Variants in POU6F2 observed in about 807,000 individuals in gnomAD.
POU6F2 encodes the protein POU domain, class 6, transcription factor 2.
A neutral mutation model predicts 71.3 loss-of-function variants in POU6F2; 31 were observed. The ratio of observed to expected loss-of-function variants is 0.43; its 90% CI spans 0.33 to 0.59. The LOEUF (loss-of-function observed/expected upper bound fraction) is 0.59, where lower values mean the gene tolerates loss of function less well. Among genes scored for constraint, POU6F2 ranks in the 20% least tolerant of loss-of-function variants. The pLI, the probability that POU6F2 is intolerant of heterozygous loss-of-function variation, is 0.04. For missense variants in POU6F2, 783 were observed against 856.8 expected (o/e 0.91, Z 1.07); for synonymous variants, 347 against 355.7 (o/e 0.98, Z 0.27).
rs1788915129 is a variant in POU6F2, at chr7:39,460,327, T to C, written c.1490-220T>C. On this transcript the variant is annotated intron_variant, in intron 8 of 9. Coordinates refer to ENST00000518318, the MANE Select transcript of POU6F2 (RefSeq NM_001370959.1). The surrounding 1 kb of genome is among the most constrained non-coding windows in gnomAD (Gnocchi z 4.4). Reference sequence around the variant, plus strand: ...GCAGTGTGAACAAGCTGTGGTTTTATCTGGGACAGAAACATCTCGAAGGAT... The same window carrying C: ...GCAGTGTGAACAAGCTGTGGTTTTACCTGGGACAGAAACATCTCGAAGGAT... Among the ~76,000 whole-genome samples, 1 of 152,216 alleles carries C rather than the reference T, an allele frequency of 6.6e-6. No homozygotes were observed. Among genetic ancestry groups the C allele is most frequent in the African/African-American group, 2.4e-5 (1 of 41,460 alleles).
chr7:39,158,801 C>T (rs764405897), intron 2 of POU6F2, among the ~76,000 whole-genome samples: 3 of 152,144 alleles, frequency 2.0e-5, no homozygotes, highest in Non-Finnish European at 2.9e-5. Flanking sequence ...TGGAAACACC[C>T]TCACAGACAT....
At chr7:39,101,443 A>C (rs1325400648) in intron 2 of POU6F2, among the ~76,000 whole-genome samples, 1 of 143,040 alleles carries the variant, frequency 7.0e-6, no homozygotes. Flanking sequence ...TTTTCTAGGC[A>C]AGATTTTTTT....
intron 4 of POU6F2, among the ~76,000 whole-genome samples, chr7:39,209,838 A>G (rs1256859415): frequency 6.6e-6 from 1 of 152,120 alleles, no homozygotes; most frequent in East Asian, 1.9e-4. Flanking sequence ...GGGACTCGGG[A>G]TGGTGAGTGA....
intron 4 of POU6F2, among the ~76,000 whole-genome samples, chr7:39,265,191 G>A (rs189933656): frequency 6.6e-6 from 1 of 152,086 alleles, no homozygotes; most frequent in Non-Finnish European, 1.5e-5. Context: ...GGACCCTCTG[G>A]TTCTGAATTT....
intron 2 of POU6F2, among the ~76,000 whole-genome samples, chr7:39,127,836 ATTTTTTT>A (rs70977460): frequency 1.2e-4 from 13 of 104,174 alleles, no homozygotes; most frequent in Non-Finnish European, 1.7e-4. Flanking sequence ...AGCCAGTGGA[ATTTTTTT>A]TTTTTTTTTT....
intron 1 of POU6F2, among the ~76,000 whole-genome samples, chr7:39,053,387 T>G (rs922275580): frequency 3.3e-5 from 5 of 152,142 alleles, no homozygotes; most frequent in African/African-American, 1.2e-4. Flanking sequence ...CTTGTCTTTT[T>G]CCTTCCTCCT....
intron 1 of POU6F2, among the ~76,000 whole-genome samples, chr7:39,025,252 G>A (rs1293684625): frequency 1.3e-5 from 2 of 152,058 alleles, no homozygotes. Flanking sequence ...ATGTGTCAGG[G>A]AATTTATCCA....
chr7:39,000,766 TCCTTTTTGTATCTTCTCTGC>T, intron 1 of POU6F2, among the ~76,000 whole-genome samples: 1 of 152,248 alleles, frequency 6.6e-6, no homozygotes, highest in East Asian at 1.9e-4. Flanking sequence ...CCCACTCCTG[TCCTTTTTGTATCTTCTCTGC>T]CCCATGCAGA....
intron 2 of POU6F2, among the ~76,000 whole-genome samples, chr7:39,114,473 G>A (rs1236746535): frequency 6.6e-6 from 1 of 152,072 alleles, no homozygotes; most frequent in East Asian, 1.9e-4. Flanking sequence ...AAGGCCCAAA[G>A]CAATATTCCA....
chr7:39,176,901 G>T (rs1793341726), intron 2 of POU6F2, among the ~76,000 whole-genome samples: 1 of 152,128 alleles, frequency 6.6e-6, no homozygotes, highest in African/African-American at 2.4e-5. Flanking sequence ...AAGTTAAGGG[G>T]CATAATGAAA....
rs534689020 is a variant in POU6F2 at position 39,212,874 on chromosome 7, C to T, written c.598+5254C>T. ...TAAAATCCCCTTTATGGAGCTCATG[C>T]AAATGTGTTGGATCCTTTGCTTTTT... On this transcript the variant is annotated intron_variant, in intron 4 of 9. Transcript: ENST00000518318. Among the ~76,000 whole-genome samples, 5 of 152,260 alleles carry T rather than the reference C, an allele frequency of 3.3e-5. No individual in the cohort carries two copies. The South Asian group carries it at 1.0e-3, about 32-fold the overall frequency.
intron 1 of POU6F2, among the ~76,000 whole-genome samples, chr7:38,984,091 CA>C (rs1225556370): frequency 6.6e-6 from 1 of 152,034 alleles, no homozygotes; most frequent in African/African-American, 2.4e-5. Flanking sequence ...AATTGAAGAT[CA>C]ACTGAGTATT....
chr7:39,016,113 ATATAT>A (rs1327877235), intron 1 of POU6F2, among the ~76,000 whole-genome samples: 2 of 115,384 alleles, frequency 1.7e-5, no homozygotes, highest in African/African-American at 6.8e-5. Flanking sequence ...TATCTATATT[ATATAT>A]TATATCTATA....
chr7:39,181,242 A>G (rs1180028640), intron 2 of POU6F2, among the ~76,000 whole-genome samples: 3 of 152,108 alleles, frequency 2.0e-5, no homozygotes, highest in Non-Finnish European at 4.4e-5. Context: ...TAACTCCTCC[A>G]CTGTGGTCCT....
chr7:39,284,157 C>T (rs1784612489), intron 4 of POU6F2, among the ~76,000 whole-genome samples: 2 of 152,168 alleles, frequency 1.3e-5, no homozygotes, highest in African/African-American at 2.4e-5. Flanking sequence ...TTCTGATGTA[C>T]ACATGATTAA....
At chr7:39,080,525 AT>A (rs908214657) in intron 1 of POU6F2, among the ~76,000 whole-genome samples, 2 of 151,982 alleles carry the variant, frequency 1.3e-5, no homozygotes, top group East Asian at 1.9e-4. Flanking sequence ...AATCCAATAC[AT>A]TTTTTTTCTT....
At chr7:39,252,831 C>G (rs1356017742) in intron 4 of POU6F2, among the ~76,000 whole-genome samples, 2 of 152,206 alleles carry the variant, frequency 1.3e-5, no homozygotes, top group Non-Finnish European at 1.5e-5. Flanking sequence ...ACGGCACCCC[C>G]AAACTCCCAC....
At chr7:39,398,094 A>T (rs1432512482) in intron 5 of POU6F2, among the ~76,000 whole-genome samples, 3 of 151,970 alleles carry the variant, frequency 2.0e-5, no homozygotes, top group Non-Finnish European at 4.4e-5. Flanking sequence ...CTTTTCTGTA[A>T]ATATTAAAGA....
intron 4 of POU6F2, among the ~76,000 whole-genome samples, chr7:39,290,976 T>A (rs1279122817): frequency 6.9e-6 from 1 of 145,448 alleles, no homozygotes; most frequent in Admixed American, 7.0e-5. Flanking sequence ...GCCCCTTTGG[T>A]CCAGGTCTCT....
Sources: gnomAD v4.1 joint callset for allele counts (sites outside exome capture counted in the v4.1 genomes callset) on GRCh38, gnomAD v4.1.1 for gene constraint, Gnocchi (gnomAD v3.1) non-coding constraint, MANE v1.5 for transcripts, NCBI Gene and HGNC (gene_info 2026-07-23, HGNC 2026-07-21) for gene names.